NRG1: variants seen among roughly 807,000 people sequenced by gnomAD.
NRG1 encodes neuregulin 1, also known as pro-neuregulin-1, membrane-bound isoform.
A neutral mutation model predicts 63.8 loss-of-function variants in NRG1; 18 were observed. The ratio of observed to expected loss-of-function variants is 0.28; its 90% CI spans 0.19 to 0.42. NRG1 has a LOEUF of 0.42. Among genes scored for constraint, NRG1 ranks in the 10% least tolerant of loss-of-function variants. The pLI is 1.00. For synonymous variants in NRG1, 302 were observed against 301.3 expected, an observed-to-expected ratio of 1.00 and a Z score of -0.02; for missense variants, 762 against 814.7, an observed-to-expected ratio of 0.94 and a Z score of 0.79.
chr8:32,682,499 A>C (rs923246308), intron 5 of NRG1, among the ~76,000 whole-genome samples: 1 of 152,128 alleles, frequency 6.6e-6, no homozygotes, highest in Admixed American at 6.6e-5. Context: ...CTAGTTGCAT[A>C]ATACCTGCTT....
chr8:31,846,550 G>C (rs192685495), intron 1 of NRG1, among the ~76,000 whole-genome samples: 1 of 152,108 alleles, frequency 6.6e-6, no homozygotes, highest in South Asian at 2.1e-4. Context: ...GTTTCCTAAG[G>C]CTTCAAATAA....
At chr8:32,045,310 C>A (rs549361404) in intron 1 of NRG1, among the ~76,000 whole-genome samples, 2 of 151,820 alleles carry the variant, frequency 1.3e-5, no homozygotes, top group South Asian at 2.1e-4. Flanking sequence ...AAACTACAAA[C>A]CCTCATGAAA....
At chr8:32,154,047 A>G (rs1292732437) in intron 1 of NRG1, among the ~76,000 whole-genome samples, 1 of 152,164 alleles carries the variant, frequency 6.6e-6, no homozygotes, top group Non-Finnish European at 1.5e-5. Context: ...AGCTTTGTTC[A>G]TCTGAAACTC....
intron 6 of NRG1, among the ~76,000 whole-genome samples, chr8:32,734,208 A>G (rs1389296668): frequency 2.0e-5 from 3 of 152,216 alleles, no homozygotes; most frequent in African/African-American, 7.2e-5. Context: ...GGCACTAGCT[A>G]AGGTTAACAT....
rs558926998 is a variant in NRG1, at chr8:32,675,058, A to G, written c.503-52891A>G. The stretch of plus-strand genomic sequence containing the variant: ...GAATTTCATGCTTTGCACCAGTTCA[A>G]TACAATGATGAGAGAATGGCTCTCA... On this transcript the variant is annotated intron_variant, in intron 5 of 11. Transcript: ENST00000356819. 3.3e-4 allele frequency among the ~76,000 whole-genome samples: 50 copies of G among 152,224 alleles called. 1 individual carries two copies. The highest frequency in any genetic ancestry group is 5.2e-4 in the Admixed American group (8 of 15,282).
At chr8:32,126,232 T>C (rs1834051732) in intron 1 of NRG1, among the ~76,000 whole-genome samples, 1 of 151,842 alleles carries the variant, frequency 6.6e-6, no homozygotes, top group African/African-American at 2.4e-5. Context: ...AGTACCCCAC[T>C]TCCCACCACC....
intron 4 of NRG1, among the ~76,000 whole-genome samples, 172 bp downstream of exon 4, chr8:32,614,736 AG>A (rs770603212): frequency 9.9e-5 from 15 of 152,020 alleles, no homozygotes; most frequent in Non-Finnish European, 2.1e-4. Context: ...TACTTAAGGG[AG>A]GATGGTTCTT....
At chr8:31,779,184 G>T (rs986611252) in intron 1 of NRG1, among the ~76,000 whole-genome samples, 4 of 152,096 alleles carry the variant, frequency 2.6e-5, no homozygotes, top group Non-Finnish European at 4.4e-5. Flanking sequence ...GTTGATTGGG[G>T]TTCATGGTAG....
At chr8:32,112,748 G>C (rs1022805550) in intron 1 of NRG1, among the ~76,000 whole-genome samples, 3 of 152,134 alleles carry the variant, frequency 2.0e-5, no homozygotes, top group African/African-American at 7.2e-5. Flanking sequence ...CTATAAACTG[G>C]AGAAGATTTA....
At chr8:32,633,084 A>G (rs1432084359) in intron 5 of NRG1, among the ~76,000 whole-genome samples, 2 of 152,116 alleles carry the variant, frequency 1.3e-5, no homozygotes, top group African/African-American at 2.4e-5. Context: ...TAGAATTTCT[A>G]TGAAATTAAC....
intron 1 of NRG1, among the ~76,000 whole-genome samples, chr8:32,407,311 TA>T (rs1408449256): frequency 3.6e-3 from 11 of 3,040 alleles, no homozygotes; most frequent in African/African-American, 8.3e-3. Context: ...TATATATATA[TA>T]TATATATTAT....
At chr8:32,539,896 G>T (rs565183834) in intron 1 of NRG1, among the ~76,000 whole-genome samples, 45 of 152,240 alleles carry the variant, frequency 3.0e-4, no homozygotes, top group Admixed American at 1.0e-3. Context: ...TGTCCCCTAG[G>T]CATAAAAAGG....
At chr8:32,583,760 T>G (rs1841126685) in intron 1 of NRG1, among the ~76,000 whole-genome samples, 1 of 152,222 alleles carries the variant, frequency 6.6e-6, no homozygotes, top group African/African-American at 2.4e-5. Flanking sequence ...GCCTACTGTT[T>G]ACAAAGTACT....
chr8:32,765,394 T>G (rs1358229156), exon 12 of NRG1: 1 of 152,174 alleles, frequency 6.6e-6, no homozygotes, highest in Admixed American at 6.5e-5. Context: ...ACATGCAGCA[T>G]TTTGTCTGAA....
In NRG1 at chr8:32,364,957, C is replaced by CTTTTTTTTTTTTTTTTTT. The variant is rs372216683; in HGVS notation, c.38-230869_38-230852dup. Among the ~76,000 whole-genome samples the CTTTTTTTTTTTTTTTTTT allele has an allele frequency of 2.0e-4, 22 of 108,438 alleles. 3 individuals are homozygous for CTTTTTTTTTTTTTTTTTT. Among genetic ancestry groups the CTTTTTTTTTTTTTTTTTT allele is most frequent in the East Asian group, 3.1e-4 (1 of 3,242 alleles). The allele number at this position is 108,438 out of a possible 152,430, so 71.1% of individuals were successfully genotyped here. A position where few individuals can be genotyped will look rare whatever the true frequency, so the allele number is the denominator to read the frequency against. ...TGAATAAAATGTACTCCCTTTACTA[C>CTTTTTTTTTTTTTTTTTT]TTTTTTTTTTTTTTTTTTTGAGACA... On this transcript the variant is annotated intron_variant, in intron 1 of 10. Coordinates refer to the NRG1 transcript ENST00000519301.
At chr8:32,655,952 G>A (rs556444199) in intron 5 of NRG1, among the ~76,000 whole-genome samples, 1 of 152,216 alleles carries the variant, frequency 6.6e-6, no homozygotes, top group South Asian at 2.1e-4. Context: ...CTAAGATTAT[G>A]TTCACCTTAC....
chr8:32,470,044 T>G (rs996612883), intron 1 of NRG1, among the ~76,000 whole-genome samples: 4 of 150,624 alleles, frequency 2.7e-5, no homozygotes, highest in African/African-American at 7.3e-5. Flanking sequence ...TTTTTTTTTT[T>G]TTTTTTGTAG....
At chr8:32,727,901 G>A in intron 5 of NRG1, 48 bp from the exon 6 acceptor site, 2 of 1,555,868 alleles carry the variant, frequency 1.3e-6, no homozygotes, top group South Asian at 1.1e-5. Flanking sequence ...CTGCTTAGAA[G>A]GGGGAAAAAA....
At chr8:32,715,871 G>C (rs559476960) in intron 5 of NRG1, among the ~76,000 whole-genome samples, 1 of 152,066 alleles carries the variant, frequency 6.6e-6, no homozygotes, top group African/African-American at 2.4e-5. Context: ...CTTGAACTCC[G>C]AACCTTGTGA....
Sources: gnomAD v4.1 joint callset for allele counts (sites outside exome capture counted in the v4.1 genomes callset) on GRCh38, gnomAD v4.1.1 for gene constraint, MANE v1.5 for transcripts, NCBI Gene and HGNC (gene_info 2026-07-23, HGNC 2026-07-21) for gene names.